The following GNB4 variants were observed in gnomAD, a reference collection of about 807,000 sequenced individuals.
The protein encoded by GNB4 is G protein subunit beta 4, also known as guanine nucleotide-binding protein subunit beta-4.
In GNB4, 28 loss-of-function variants were observed where a neutral mutation model predicts 45.2. The observed-to-expected ratio is 0.62, with a 90% CI of 0.46 to 0.85. GNB4 has a LOEUF of 0.85. Ranked by LOEUF, GNB4 falls within the 40% of genes least tolerant of loss-of-function variation. GNB4 has a pLI of 0.00. For missense variants in GNB4, 321 were observed against 425.4 expected (o/e 0.75, Z 2.16); for synonymous variants, 132 against 143.7 (o/e 0.92, Z 0.58).
At chr3:179,426,989 C>G (rs1346504523) in intron 1 of GNB4, among the ~76,000 whole-genome samples, 1 of 151,954 alleles carries the variant, frequency 6.6e-6, no homozygotes, top group Non-Finnish European at 1.5e-5. Context: ...CACACACACC[C>G]CCCTCTGACC....
At chr3:179,521,157 G>T in the GNB4 span, among the ~76,000 whole-genome samples, 1 of 151,954 alleles carries the variant, frequency 6.6e-6, no homozygotes, top group South Asian at 2.1e-4. Flanking sequence ...CTAAGAAGGC[G>T]ACCGTGGTCA....
At chr3:179,417,947 T>C (rs970615292) in intron 4 of GNB4, among the ~76,000 whole-genome samples, 2 of 151,634 alleles carry the variant, frequency 1.3e-5, no homozygotes, top group Non-Finnish European at 2.9e-5. Flanking sequence ...AGCATAAGAG[T>C]TGAGGAGAAC....
At chr3:179,442,599 T>C (rs144619712) in intron 1 of GNB4, among the ~76,000 whole-genome samples, 2 of 152,266 alleles carry the variant, frequency 1.3e-5, no homozygotes, top group African/African-American at 4.8e-5. Flanking sequence ...TAGTTATCTC[T>C]GTGTTACCAA....
chr3:179,523,118 C>T, the GNB4 span, among the ~76,000 whole-genome samples: 2 of 151,994 alleles, frequency 1.3e-5, no homozygotes, highest in South Asian at 4.2e-4. Context: ...CTAACCATGC[C>T]TAGGAAGGAA....
intron 1 of GNB4, among the ~76,000 whole-genome samples, chr3:179,439,436 T>C (rs1715542365): frequency 6.6e-6 from 1 of 152,118 alleles, no homozygotes. Flanking sequence ...CCTCCCATTA[T>C]GGTTCCTAGA....
At chr3:179,467,105 C>T in the GNB4 span, among the ~76,000 whole-genome samples, 895 of 152,262 alleles carry the variant, frequency 5.9e-3, 3 homozygotes, top group Non-Finnish European at 9.2e-3. Context: ...CCTTGAACTC[C>T]TGGGCTTAAA....
chr3:179,403,706 G>A (rs1714374919), intron 9 of GNB4, among the ~76,000 whole-genome samples: 1 of 151,872 alleles, frequency 6.6e-6, no homozygotes, highest in African/African-American at 2.4e-5. Flanking sequence ...GCTGAGGCAG[G>A]AGAATCGCTG....
chr3:179,423,172 T>A lies in GNB4; in HGVS notation c.58-2245A>T, dbSNP rs535789641. ...ACATATATGTGGTTACTTCAAATCATGGGAGGAGATGATTTGGTGAGCACC... is the reference window on the plus strand; with the variant it reads ...ACATATATGTGGTTACTTCAAATCAAGGGAGGAGATGATTTGGTGAGCACC... On this transcript the variant is annotated intron_variant, in intron 2 of 9. Transcript: ENST00000232564. Among the ~76,000 whole-genome samples, 12 of 152,212 alleles carry A rather than the reference T, an allele frequency of 7.9e-5. No homozygotes were observed. The South Asian group carries it at 2.5e-3, about 32-fold the overall frequency.
the GNB4 span, among the ~76,000 whole-genome samples, chr3:179,465,823 CT>C: frequency 3.6e-3 from 97 of 26,928 alleles, no homozygotes; most frequent in East Asian, 0.014. Context: ...TCTTCTTCTT[CT>C]TTTTTTTTTT....
chr3:179,425,253 T>C (rs1560217987), intron 2 of GNB4, among the ~76,000 whole-genome samples: 1 of 152,288 alleles, frequency 6.6e-6, no homozygotes, highest in East Asian at 1.9e-4. Context: ...GTGCTGTCTC[T>C]TAGAGAGTGC....
chr3:179,407,753 G>A (rs1485900501), intron 8 of GNB4, among the ~76,000 whole-genome samples: 1 of 138,828 alleles, frequency 7.2e-6, no homozygotes, highest in East Asian at 2.1e-4. Context: ...AGAGCCGTGT[G>A]AGAAAACTAA....
intron 3 of GNB4, among the ~76,000 whole-genome samples, chr3:179,420,106 A>C (rs906976299): frequency 1.3e-5 from 2 of 150,662 alleles, no homozygotes; most frequent in African/African-American, 4.9e-5. Context: ...CTATACATAC[A>C]TATATATATA....
At chr3:179,504,620 G>A in the GNB4 span, among the ~76,000 whole-genome samples, 1 of 152,216 alleles carries the variant, frequency 6.6e-6, no homozygotes, top group East Asian at 1.9e-4. Context: ...GTATTTGGAG[G>A]ACACAGAGAC....
the GNB4 span, among the ~76,000 whole-genome samples, chr3:179,458,187 G>A: frequency 4.6e-5 from 7 of 152,194 alleles, no homozygotes; most frequent in South Asian, 2.1e-4. Context: ...ACAGGCGTGA[G>A]CCACCGCGCC....
the GNB4 span, among the ~76,000 whole-genome samples, chr3:179,516,147 T>A: frequency 6.6e-6 from 1 of 152,154 alleles, no homozygotes; most frequent in Non-Finnish European, 1.5e-5. Flanking sequence ...TTTTTTAAGT[T>A]GGAGGCTGCC....
At chr3:179,477,486 A>G in the GNB4 span, among the ~76,000 whole-genome samples, 1 of 152,206 alleles carries the variant, frequency 6.6e-6, no homozygotes, top group Non-Finnish European at 1.5e-5. Flanking sequence ...CCTTTGCTCC[A>G]GTTTCCAATA....
chr3:179,523,820 A>G, the GNB4 span, among the ~76,000 whole-genome samples: 1 of 152,078 alleles, frequency 6.6e-6, no homozygotes, highest in East Asian at 1.9e-4. Context: ...GAGGCTTTGA[A>G]CTAGGGAAAA....
At chr3:179,505,564 C>T in the GNB4 span, among the ~76,000 whole-genome samples, 1 of 152,120 alleles carries the variant, frequency 6.6e-6, no homozygotes, top group African/African-American at 2.4e-5. Context: ...TATACATATC[C>T]ACAGGAATTT....
At chr3:179,470,655 C>T in the GNB4 span, among the ~76,000 whole-genome samples, 1 of 151,964 alleles carries the variant, frequency 6.6e-6, no homozygotes, top group South Asian at 2.1e-4. Context: ...AGCAATTCTC[C>T]TGCCTCAACC....
Sources: allele counts gnomAD v4.1 joint callset (sites outside exome capture counted in the v4.1 genomes callset), GRCh38; gene constraint gnomAD v4.1.1; transcripts MANE v1.5; gene names NCBI Gene and HGNC (gene_info 2026-07-23, HGNC 2026-07-21).